CCR3: variants seen among roughly 807,000 people sequenced by gnomAD.
CCR3 encodes C-C motif chemokine receptor 3, also known as C-C chemokine receptor type 3.
For missense variants in CCR3, 419 were observed against 437.5 expected, an observed-to-expected ratio of 0.96 and a Z score of 0.38; for synonymous variants, 203 against 179.2, an observed-to-expected ratio of 1.13 and a Z score of -1.06.
chr3:46,244,383 C>G (rs1332351061), intron 1 of CCR3, among the ~76,000 whole-genome samples: 1 of 152,108 alleles, frequency 6.6e-6, no homozygotes, highest in African/African-American at 2.4e-5. Flanking sequence ...CATGCGCGTC[C>G]GTGTGAAGAG....
intron 2 of CCR3, among the ~76,000 whole-genome samples, chr3:46,221,377 T>C (rs1166108343): frequency 6.6e-6 from 1 of 152,260 alleles, no homozygotes; most frequent in East Asian, 1.9e-4. Flanking sequence ...TATAAATCTT[T>C]GGTTTCAGCA....
At chr3:46,256,564 A>G (rs1700429234) in intron 1 of CCR3, among the ~76,000 whole-genome samples, 1 of 151,850 alleles carries the variant, frequency 6.6e-6, no homozygotes, top group Admixed American at 6.6e-5. Flanking sequence ...ACAATAGGGA[A>G]TAATATATAT....
At chr3:46,222,866 C>T (rs1323291991) in intron 2 of CCR3, among the ~76,000 whole-genome samples, 10 of 152,190 alleles carry the variant, frequency 6.6e-5, no homozygotes, top group Admixed American at 6.5e-4. Flanking sequence ...AGCTACGTGG[C>T]TATTTATTTC....
chr3:46,254,997 G>A (rs1700390188), intron 1 of CCR3, among the ~76,000 whole-genome samples: 1 of 152,014 alleles, frequency 6.6e-6, no homozygotes, highest in African/African-American at 2.4e-5. Context: ...CATAGGGGTT[G>A]TACTAGTTTA....
intron 1 of CCR3, among the ~76,000 whole-genome samples, chr3:46,246,744 A>T (rs528063716): frequency 9.1e-4 from 138 of 152,188 alleles, no homozygotes; most frequent in Non-Finnish European, 1.4e-3. Flanking sequence ...TTCTTATATT[A>T]ATAAGAAAAA....
chr3:46,216,903 T>C lies in CCR3; in HGVS notation c.-68+5996T>C, dbSNP rs145081411. ...AAAATATACCAAAATAGAACCTACTTAAAGTGAAAATCTCACAGGACCTAT... is the reference window on the plus strand; with the variant it reads ...AAAATATACCAAAATAGAACCTACTCAAAGTGAAAATCTCACAGGACCTAT... On this transcript the variant is annotated intron_variant, in intron 2 of 3. Coordinates refer to the CCR3 transcript ENST00000357422. Among the ~76,000 whole-genome samples, 616 of 152,154 alleles carry C rather than the reference T, an allele frequency of 4.0e-3. 2 individuals carry two copies. Among genetic ancestry groups the C allele is most frequent in the Middle Eastern group, 0.017 (5 of 294 alleles).
chr3:46,216,726 C>A (rs757205766), intron 2 of CCR3, among the ~76,000 whole-genome samples: 2 of 152,094 alleles, frequency 1.3e-5, no homozygotes, highest in Non-Finnish European at 2.9e-5. Flanking sequence ...ATAATTATCA[C>A]CCTAGAGCGT....
At position 46,220,525 on chromosome 3, in the gene CCR3, C is replaced by T. The variant is rs183293298; in HGVS notation, c.-68+9618C>T. On this transcript the variant is annotated intron_variant, in intron 2 of 3. Transcript: ENST00000357422. ...GGTATCTACCCAGAGGAAAAGAAGTCGTTACAATGAAAAAGGCACCTGCAC... is the reference window on the plus strand; with the variant it reads ...GGTATCTACCCAGAGGAAAAGAAGTTGTTACAATGAAAAAGGCACCTGCAC... 4.6e-5 allele frequency among the ~76,000 whole-genome samples: 7 copies of T among 152,248 alleles called. No homozygotes were observed. In the East Asian group the frequency reaches 7.7e-4, roughly 17 times the overall value.
chr3:46,252,989 C>T (rs545711797), intron 1 of CCR3, among the ~76,000 whole-genome samples: 1 of 152,096 alleles, frequency 6.6e-6, no homozygotes, highest in East Asian at 1.9e-4. Context: ...ACCTTGGCTG[C>T]ACAAGGGAAT....
intron 1 of CCR3, among the ~76,000 whole-genome samples, chr3:46,244,310 T>C (rs1028558533): frequency 1.3e-5 from 2 of 152,162 alleles, no homozygotes; most frequent in Admixed American, 6.5e-5. Flanking sequence ...CACAAGGAAC[T>C]AGGTGAAAGG....
chr3:46,215,238 G>A (rs1199612998), intron 2 of CCR3, among the ~76,000 whole-genome samples: 3 of 152,174 alleles, frequency 2.0e-5, no homozygotes, highest in Admixed American at 6.5e-5. Flanking sequence ...TATTAAGCAT[G>A]TGTTCTCTCT....
intron 1 of CCR3, among the ~76,000 whole-genome samples, chr3:46,243,004 C>CACATATATATATATATATATATAT (rs1559531091): frequency 3.2e-5 from 2 of 62,846 alleles, no homozygotes; most frequent in African/African-American, 8.9e-5. Flanking sequence ...TATATATATA[C>CACATATATATATATATATATATAT]GCACACACAC....
chr3:46,265,468 G>A lies in CCR3; in HGVS notation c.310G>A (p.Gly104Ser). The A allele has an allele frequency of 1.2e-6, 2 of 1,614,138 alleles. No individual in the cohort carries two copies. Among genetic ancestry groups the A allele is most frequent in the Non-Finnish European group, 1.7e-6 (2 of 1,179,998 alleles). Residue 104 changes from glycine (G) to serine (S), a missense_variant, in exon 2 of 2, where the codon GGC (glycine) becomes AGC (serine). Coordinates refer to ENST00000395940, the MANE Select transcript of CCR3 (RefSeq NM_178329.3). ...GGGGCATAACTGGGTTTTTGGCCAT[G>A]GCATGTGTAAGCTCCTCTCAGGGTT... The part of the protein sequence containing the change: ...VRGHNWVFGH[G>S]MCKLLSGFYH...
chr3:46,222,554 C>T (rs1012594552), intron 2 of CCR3, among the ~76,000 whole-genome samples: 2 of 152,234 alleles, frequency 1.3e-5, no homozygotes, highest in South Asian at 2.1e-4. Flanking sequence ...ATCTAGTGCC[C>T]TAGGTCCTGG....
chr3:46,212,873 T>C (rs568799574), intron 2 of CCR3, among the ~76,000 whole-genome samples: 15 of 152,250 alleles, frequency 9.9e-5, no homozygotes, highest in Middle Eastern at 3.4e-3. Flanking sequence ...AAGTCATCAA[T>C]GAAAGACTGA....
chr3:46,222,951 C>G (rs192580053), intron 2 of CCR3, among the ~76,000 whole-genome samples: 14 of 152,100 alleles, frequency 9.2e-5, no homozygotes, highest in South Asian at 6.2e-4. Flanking sequence ...GTCAAGAAAC[C>G]CTTCATGCTA....
chr3:46,239,100 G>A (rs2125926300), upstream of CCR3, among the ~76,000 whole-genome samples: 1 of 152,262 alleles, frequency 6.6e-6, no homozygotes, highest in South Asian at 2.1e-4. Context: ...TCAATATGTT[G>A]TTAACTGAAA....
At chr3:46,243,356 C>A (rs1433357504) in intron 1 of CCR3, among the ~76,000 whole-genome samples, 1 of 151,984 alleles carries the variant, frequency 6.6e-6, no homozygotes, top group Non-Finnish European at 1.5e-5. Flanking sequence ...CCCATGGATA[C>A]AGAGGGCTGA....
At chr3:46,227,353 TA>T (rs1699913105) in intron 2 of CCR3, among the ~76,000 whole-genome samples, 1 of 152,090 alleles carries the variant, frequency 6.6e-6, no homozygotes, top group Admixed American at 6.6e-5. Flanking sequence ...TTATTTCTGA[TA>T]TTGGTGATTT....
Sources: allele counts gnomAD v4.1 joint callset (sites outside exome capture counted in the v4.1 genomes callset), GRCh38; gene constraint gnomAD v4.1.1; transcripts MANE v1.5; gene names NCBI Gene and HGNC (gene_info 2026-07-23, HGNC 2026-07-21).